SDK1: variants seen among roughly 807,000 people sequenced by gnomAD.
SDK1 encodes sidekick cell adhesion molecule 1.
SDK1 carries 157 observed loss-of-function variants against 245.5 expected under a neutral mutation model. That is an observed-to-expected ratio of 0.64 (90% CI 0.56 to 0.73). The LOEUF is 0.73. SDK1 is among the 30% of genes least tolerant of loss of function. The pLI is 0.00. For missense variants in SDK1, 3,583 were observed against 3,002.3 expected (o/e 1.19, Z -4.52); for synonymous variants, 1,647 against 1,278.5 (o/e 1.29, Z -6.15).
intron 22 of SDK1, among the ~76,000 whole-genome samples, chr7:4,091,245 C>T (rs1174300265): frequency 1.3e-5 from 2 of 151,762 alleles, no homozygotes; most frequent in African/African-American, 4.8e-5. Context: ...TTTTCTATAT[C>T]TACAAAGGCA....
chr7:3,654,288 C>G (rs904966457), intron 4 of SDK1, among the ~76,000 whole-genome samples: 1 of 152,160 alleles, frequency 6.6e-6, no homozygotes, highest in Non-Finnish European at 1.5e-5. Flanking sequence ...CTGCTCTTAT[C>G]CTGGGGCAAA....
At chr7:3,558,370 G>A (rs1779652255) in intron 1 of SDK1, among the ~76,000 whole-genome samples, 1 of 152,240 alleles carries the variant, frequency 6.6e-6, no homozygotes, top group African/African-American at 2.4e-5. Flanking sequence ...CATACTGCCT[G>A]CAGTGGAATC....
At chr7:3,849,843 C>T (rs907648963) in intron 5 of SDK1, among the ~76,000 whole-genome samples, 25 of 152,242 alleles carry the variant, frequency 1.6e-4, no homozygotes, top group African/African-American at 5.5e-4. Flanking sequence ...CCAAAGCTCA[C>T]GTGGAGAGTT....
chr7:4,263,440 G>GA (rs199945343), intron 44 of SDK1, among the ~76,000 whole-genome samples: 6 of 148,412 alleles, frequency 4.0e-5, no homozygotes, highest in African/African-American at 1.2e-4. Flanking sequence ...TCTCCTGAGT[G>GA]GGGAGGCCGC....
intron 19 of SDK1, among the ~76,000 whole-genome samples, chr7:4,061,929 C>G (rs1044414329): frequency 7.5e-6 from 1 of 133,002 alleles, no homozygotes; most frequent in African/African-American, 2.9e-5. Flanking sequence ...GGGAATTGAA[C>G]AGTGAGAACA....
chr7:4,074,612 G>A lies in SDK1; in HGVS notation c.3011-2386G>A, dbSNP rs1186281987. On this transcript the variant is annotated intron_variant, in intron 20 of 44. Transcript: ENST00000404826. ...GTGGTGGCTGACGGCTGTAATCCTA[G>A]CATTTTGGGAGGCCACGGTGGGAGG... Among the ~76,000 whole-genome samples, 3 of 152,114 alleles carry A rather than the reference G, an allele frequency of 2.0e-5. No individual in the cohort carries two copies. The East Asian group carries it at 5.8e-4, about 30-fold the overall frequency.
chr7:3,601,956 C>T lies in SDK1; in HGVS notation c.299-17124C>T, dbSNP rs184450170. Among the ~76,000 whole-genome samples the T allele has an allele frequency of 3.0e-3, 448 of 151,752 alleles. 3 individuals are homozygous for T. The highest frequency in any genetic ancestry group is 0.01 in the African/African-American group (426 of 41,332). On this transcript the variant is annotated intron_variant, in intron 1 of 44. Transcript: ENST00000404826. Reference sequence around the variant, plus strand: ...GGTTTTTTGTCCTTGTGATATTTTGCTGAGAATGATGGTTTCCAGTTTCAT... The same window carrying T: ...GGTTTTTTGTCCTTGTGATATTTTGTTGAGAATGATGGTTTCCAGTTTCAT...
intron 1 of SDK1, among the ~76,000 whole-genome samples, chr7:3,566,256 G>A (rs865856953): frequency 7.6e-6 from 1 of 132,050 alleles, no homozygotes; most frequent in South Asian, 2.4e-4. Context: ...ATGGAGTCTC[G>A]CTCTGTCGCC....
intron 1 of SDK1, among the ~76,000 whole-genome samples, chr7:3,578,055 A>G (rs1435263139): frequency 2.0e-5 from 3 of 151,710 alleles, no homozygotes; most frequent in South Asian, 2.1e-4. Context: ...GTTTTTTTGT[A>G]TTCATCTTGT....
At position 3,836,930 on chromosome 7, in the gene SDK1, C is replaced by G. The variant is rs113583065; in HGVS notation, c.847+15347C>G. Among the ~76,000 whole-genome samples, 1,449 of 152,250 alleles carry G rather than the reference C, an allele frequency of 9.5e-3. 26 individuals are homozygous for G. The highest frequency in any genetic ancestry group is 0.033 in the African/African-American group (1,378 of 41,538). On this transcript the variant is annotated intron_variant, in intron 5 of 44. Transcript: ENST00000404826. The stretch of plus-strand genomic sequence containing the variant: ...CCCTTCCTGGCTCTTAGAGAGCCAC[C>G]TTTCCACTGATCCTCACGTGGCCTC...
chr7:3,541,584 TTATA>T (rs1189930410), intron 1 of SDK1, among the ~76,000 whole-genome samples: 1 of 152,234 alleles, frequency 6.6e-6, no homozygotes, highest in East Asian at 1.9e-4. Context: ...CCATGAAACT[TTATA>T]TATAACTATG....
At chr7:3,545,645 A>G (rs764092499) in intron 1 of SDK1, among the ~76,000 whole-genome samples, 3 of 152,192 alleles carry the variant, frequency 2.0e-5, no homozygotes, top group Non-Finnish European at 2.9e-5. Context: ...ACCCTCTGCT[A>G]TGGTGCCCAT....
intron 1 of SDK1, among the ~76,000 whole-genome samples, chr7:3,465,205 G>C (rs1583897473): frequency 6.6e-6 from 1 of 152,242 alleles, no homozygotes; most frequent in South Asian, 2.1e-4. Flanking sequence ...TTTTTGACTT[G>C]TAGCATCTCT....
intron 1 of SDK1, among the ~76,000 whole-genome samples, chr7:3,503,601 C>G (rs964990536): frequency 6.6e-6 from 1 of 152,000 alleles, no homozygotes; most frequent in Non-Finnish European, 1.5e-5. Flanking sequence ...CACTAGAGAC[C>G]AGGGGTTTGA....
chr7:3,636,196 C>T (rs1253442429), intron 2 of SDK1, among the ~76,000 whole-genome samples: 1 of 152,086 alleles, frequency 6.6e-6, no homozygotes, highest in East Asian at 1.9e-4. Flanking sequence ...TTCCTCCTGC[C>T]CTCTTCATTA....
intron 40 of SDK1, among the ~76,000 whole-genome samples, chr7:4,225,474 G>C (rs576031620): frequency 3.3e-5 from 5 of 152,146 alleles, no homozygotes; most frequent in African/African-American, 4.8e-5. Context: ...TCTTAACGCT[G>C]TGAACACATC....
chr7:3,625,729 A>C (rs1486642537), intron 2 of SDK1, among the ~76,000 whole-genome samples: 1 of 152,156 alleles, frequency 6.6e-6, no homozygotes, highest in Non-Finnish European at 1.5e-5. Context: ...TTCATTTCTA[A>C]TTAGCTCAAG....
chr7:3,978,006 A>G (rs1260158051), intron 13 of SDK1, among the ~76,000 whole-genome samples: 1 of 151,992 alleles, frequency 6.6e-6, no homozygotes, highest in Non-Finnish European at 1.5e-5. Context: ...GTTCTACCAA[A>G]ACCCAAACAG....
intron 4 of SDK1, among the ~76,000 whole-genome samples, chr7:3,690,309 GA>G (rs990594684): frequency 9.9e-5 from 15 of 152,208 alleles, no homozygotes; most frequent in African/African-American, 3.6e-4. Flanking sequence ...ATATGATATT[GA>G]TTTTTTTTTA....
Sources: gnomAD v4.1 joint callset for allele counts (sites outside exome capture counted in the v4.1 genomes callset) on GRCh38, gnomAD v4.1.1 for gene constraint, MANE v1.5 for transcripts, NCBI Gene and HGNC (gene_info 2026-07-23, HGNC 2026-07-21) for gene names.